The following PRPF18 variants were observed in gnomAD, a reference collection of about 807,000 sequenced individuals.
PRPF18 encodes the protein pre-mRNA processing factor 18.
PRPF18 carries 38 observed loss-of-function variants against 46.5 expected under a neutral mutation model. The observed-to-expected ratio is 0.82, with a 90% CI of 0.63 to 1.07. The LOEUF (loss-of-function observed/expected upper bound fraction) is 1.07. Ranked by LOEUF, PRPF18 falls within the 50% of genes least tolerant of loss-of-function variation. PRPF18 has a pLI of 0.00. For synonymous variants in PRPF18, 152 were observed against 146.7 expected (o/e 1.04, Z -0.26); for missense variants, 263 against 410.0 (o/e 0.64, Z 3.10).
chr10:13,594,641 T>TA (rs2080009243), intron 1 of PRPF18, among the ~76,000 whole-genome samples: 1 of 152,236 alleles, frequency 6.6e-6, no homozygotes, highest in Non-Finnish European at 1.5e-5. Flanking sequence ...TAGATAATAT[T>TA]AAAAAATCTC....
intron 9 of PRPF18, among the ~76,000 whole-genome samples, chr10:13,628,328 G>C (rs1388915933): frequency 6.6e-6 from 1 of 152,174 alleles, no homozygotes; most frequent in Non-Finnish European, 1.5e-5. Context: ...ATTCATAGAA[G>C]TATGTCATTT....
chr10:13,640,417 A>T, the PRPF18 span: 1 of 152,228 alleles, frequency 6.6e-6, no homozygotes, highest in African/African-American at 2.4e-5. Flanking sequence ...TCTTCTACGC[A>T]ATCCCAAGCT....
intron 1 of PRPF18, among the ~76,000 whole-genome samples, chr10:13,596,931 A>G (rs2080043414): frequency 6.6e-6 from 1 of 152,202 alleles, no homozygotes; most frequent in Non-Finnish European, 1.5e-5. Flanking sequence ...GAGTTCACCA[A>G]GACCACCCTA....
intron 2 of PRPF18, among the ~76,000 whole-genome samples, chr10:13,599,556 T>A (rs1237438608): frequency 6.6e-6 from 1 of 152,178 alleles, no homozygotes; most frequent in Admixed American, 6.5e-5. Context: ...AGCAACAGAT[T>A]TGAGAAAATA....
At chr10:13,611,450 C>T (rs1023051577) in intron 5 of PRPF18, among the ~76,000 whole-genome samples, 165 bp from the exon 6 acceptor site, 4 of 152,054 alleles carry the variant, frequency 2.6e-5, no homozygotes, top group South Asian at 2.1e-4. Flanking sequence ...GTGGCAAATC[C>T]GTGTTTTTTG....
At chr10:13,611,439 A>C (rs2080267896) in intron 5 of PRPF18, among the ~76,000 whole-genome samples, 176 bp from the exon 6 acceptor site, 1 of 152,220 alleles carries the variant, frequency 6.6e-6, no homozygotes, top group African/African-American at 2.4e-5. Flanking sequence ...TCCAAATTTA[A>C]GTGGCAAATC....
At chr10:13,654,340 C>T in the PRPF18 span, 2 of 959,646 alleles carry the variant, frequency 2.1e-6, no homozygotes, top group Non-Finnish European at 3.4e-6. Context: ...CTGACATATC[C>T]TTATGTCACC....
intron 9 of PRPF18, among the ~76,000 whole-genome samples, chr10:13,618,326 G>A (rs1192001526): frequency 6.6e-6 from 1 of 152,016 alleles, no homozygotes; most frequent in Non-Finnish European, 1.5e-5. Context: ...TTTGGGCAGT[G>A]GATATAAAAA....
chr10:13,588,728 G>A (rs2079914066), intron 1 of PRPF18, among the ~76,000 whole-genome samples: 1 of 152,090 alleles, frequency 6.6e-6, no homozygotes, highest in Non-Finnish European at 1.5e-5. Flanking sequence ...TTTTGGAAAG[G>A]TACTAAAAAG....
At chr10:13,609,582 G>A (rs915389209) in intron 4 of PRPF18, among the ~76,000 whole-genome samples, 3 of 152,212 alleles carry the variant, frequency 2.0e-5, no homozygotes, top group Non-Finnish European at 4.4e-5. Flanking sequence ...ACATAGTTGA[G>A]AACCTGGGAT....
the PRPF18 span, chr10:13,646,295 C>T: frequency 2.6e-5 from 4 of 152,592 alleles, no homozygotes; most frequent in Non-Finnish European, 5.9e-5. Flanking sequence ...GAATGTCTTC[C>T]TCTTGGCCCC....
At chr10:13,632,551 G>A (rs950116740), downstream of PRPF18, 1 of 152,134 alleles carries the variant, frequency 6.6e-6, no homozygotes, top group Non-Finnish European at 1.5e-5. Flanking sequence ...GTTGTCTTCT[G>A]TTTTGCAGTT....
the PRPF18 span, among the ~76,000 whole-genome samples, chr10:13,650,405 TGCATGA>T: frequency 1.3e-5 from 2 of 152,016 alleles, no homozygotes; most frequent in Non-Finnish European, 1.5e-5. Context: ...TGCACATGTA[TGCATGA>T]GCATGAACTC....
Position 13,586,980 on chromosome 10 carries a change from T to G in PRPF18, c.-107T>G. 8.7e-7 allele frequency: 1 copy of G among 1,146,736 alleles called. No individual in the cohort carries two copies. Among genetic ancestry groups the G allele is most frequent in the Non-Finnish European group, 1.3e-6 (1 of 757,458 alleles). The allele number at this position is 1,146,736 out of a possible 1,614,324, so 71.0% of individuals were successfully genotyped here. Reference sequence around the variant, plus strand: ...GGCTCCTGTCAGTTGTTCTCAGGTGTTTGGGCTTGTTGTTCCGTATACTCA... The same window carrying G: ...GGCTCCTGTCAGTTGTTCTCAGGTGGTTGGGCTTGTTGTTCCGTATACTCA... On this transcript the variant is annotated 5_prime_UTR_variant, in exon 1 of 10. Coordinates refer to ENST00000378572, the MANE Select transcript of PRPF18 (RefSeq NM_003675.4).
At chr10:13,651,990 CAGG>C in the PRPF18 span, 9 of 1,473,352 alleles carry the variant, frequency 6.1e-6, no homozygotes, top group East Asian at 2.3e-5. Context: ...CAAAGGAAAG[CAGG>C]AGGAGGAAGA....
chr10:13,654,654 G>T, the PRPF18 span: 6 of 618,542 alleles, frequency 9.7e-6, no homozygotes, highest in Non-Finnish European at 1.7e-5. Flanking sequence ...CCAGAGCAGG[G>T]TCTCAGCATC....
intron 5 of PRPF18, among the ~76,000 whole-genome samples, chr10:13,611,321 G>A (rs2080266092): frequency 6.6e-6 from 1 of 151,896 alleles, no homozygotes; most frequent in Non-Finnish European, 1.5e-5. Flanking sequence ...ATATTCACAT[G>A]GTGGTGCAAC....
chr10:13,592,499 G>A (rs1287975036), intron 1 of PRPF18, among the ~76,000 whole-genome samples: 3 of 152,206 alleles, frequency 2.0e-5, no homozygotes, highest in Admixed American at 6.5e-5. Flanking sequence ...TGGTGTCCCA[G>A]CTTTTTGTGG....
chr10:13,612,622 C>CTTTT (rs61113168), intron 6 of PRPF18, among the ~76,000 whole-genome samples: 8 of 76,154 alleles, frequency 1.1e-4, no homozygotes, highest in South Asian at 5.7e-4. Context: ...AGGGTTCTAG[C>CTTTT]TTTTTTTTTT....
Sources: gnomAD v4.1 joint callset for allele counts (sites outside exome capture counted in the v4.1 genomes callset) on GRCh38, gnomAD v4.1.1 for gene constraint, MANE v1.5 for transcripts, NCBI Gene and HGNC (gene_info 2026-07-23, HGNC 2026-07-21) for gene names.